Variants in LRMDA observed in about 807,000 individuals in gnomAD.
LRMDA encodes leucine-rich melanocyte differentiation-associated protein.
LRMDA carries 18 observed loss-of-function variants against 29.8 expected under a neutral mutation model. That is an observed-to-expected ratio of 0.60 (90% confidence interval 0.42 to 0.90). The LOEUF (loss-of-function observed/expected upper bound fraction) is 0.90, where lower values mean the gene tolerates loss of function less well. Among genes scored for constraint, LRMDA ranks in the 40% least tolerant of loss-of-function variants. The probability of loss-of-function intolerance (pLI) is 0.00; values close to 1 mark genes in which losing one functional copy is unlikely to be tolerated. For synonymous variants in LRMDA, 125 were observed against 109.4 expected (o/e 1.14, Z -0.89); for missense variants, 273 against 273.9 (o/e 1.00, Z 0.02).
chr10:75,439,531 C>G (rs548609414), intron 2 of LRMDA, among the ~76,000 whole-genome samples: 1 of 152,082 alleles, frequency 6.6e-6, no homozygotes, highest in African/African-American at 2.4e-5. Context: ...TAATAAGGCA[C>G]GAGAGGTGGA....
chr10:76,302,129 G>T (rs182538357), intron 5 of LRMDA, among the ~76,000 whole-genome samples: 1 of 151,798 alleles, frequency 6.6e-6, no homozygotes, highest in Non-Finnish European at 1.5e-5. Context: ...TTTCCAGAGC[G>T]CCCTCAGGTG....
chr10:76,413,699 C>T (rs1035551285), intron 6 of LRMDA, among the ~76,000 whole-genome samples: 3 of 152,152 alleles, frequency 2.0e-5, no homozygotes, highest in Admixed American at 2.0e-4. Context: ...TTATTTATTG[C>T]ATGGTGTTCC....
chr10:76,078,898 T>C (rs1328012103), intron 5 of LRMDA, among the ~76,000 whole-genome samples: 5 of 152,190 alleles, frequency 3.3e-5, no homozygotes, highest in Admixed American at 1.3e-4. Flanking sequence ...AGGTCTTTCT[T>C]CTCACCCATT....
chr10:76,171,083 C>A (rs1850826980), intron 5 of LRMDA, among the ~76,000 whole-genome samples: 1 of 152,160 alleles, frequency 6.6e-6, no homozygotes, highest in African/African-American at 2.4e-5. Context: ...TTGTACTGAT[C>A]TGAGCAGCTA....
At chr10:75,815,694 A>G (rs558767637) in intron 2 of LRMDA, among the ~76,000 whole-genome samples, 108 of 152,338 alleles carry the variant, frequency 7.1e-4, no homozygotes, top group African/African-American at 2.5e-3. Flanking sequence ...CACACTGGAC[A>G]TGTAGAATGA....
At position 75,985,380 on chromosome 10, in the gene LRMDA, G is replaced by T. The variant is rs545269990; in HGVS notation, c.132-50628G>T. Among the ~76,000 whole-genome samples, 38 of 152,236 alleles carry T rather than the reference G, an allele frequency of 2.5e-4. 2 individuals carry two copies. In the East Asian group the frequency reaches 7.4e-3, roughly 29 times the overall value. On this transcript the variant is annotated intron_variant, in intron 2 of 6. Coordinates refer to ENST00000611255, the MANE Select transcript of LRMDA (RefSeq NM_001305581.2). ...AACTGAGGAGTGGATAAGACTCCAG[G>T]CCTGACTAGAGCCACAGGCTCAAAT...
chr10:76,223,918 C>T (rs1465086846), intron 5 of LRMDA, among the ~76,000 whole-genome samples: 1 of 152,134 alleles, frequency 6.6e-6, no homozygotes, highest in Non-Finnish European at 1.5e-5. Context: ...CTTGGTCTAT[C>T]CCTTGGCCTC....
At chr10:76,147,520 T>C (rs2132160171) in intron 5 of LRMDA, among the ~76,000 whole-genome samples, 1 of 152,336 alleles carries the variant, frequency 6.6e-6, no homozygotes, top group South Asian at 2.1e-4. Context: ...TCTCGTGCCT[T>C]GGTTTTCAGC....
intron 5 of LRMDA, among the ~76,000 whole-genome samples, chr10:76,233,565 A>G (rs1242154528): frequency 2.6e-5 from 4 of 152,230 alleles, no homozygotes; most frequent in Admixed American, 2.0e-4. Flanking sequence ...TTTTACTCAC[A>G]TTAGAACTTC....
At chr10:75,489,591 A>G (rs529290424) in intron 2 of LRMDA, among the ~76,000 whole-genome samples, 4 of 152,358 alleles carry the variant, frequency 2.6e-5, no homozygotes, top group Admixed American at 6.5e-5. Context: ...AGTTTGAAGT[A>G]GGCTCTGACC....
At chr10:75,663,854 G>A (rs778453229) in intron 2 of LRMDA, among the ~76,000 whole-genome samples, 10 of 152,142 alleles carry the variant, frequency 6.6e-5, no homozygotes, top group African/African-American at 2.4e-4. Context: ...TAAAATGGAT[G>A]GGTTCCATGG....
intron 6 of LRMDA, among the ~76,000 whole-genome samples, chr10:76,556,966 A>G (rs898599977): frequency 6.6e-6 from 1 of 152,210 alleles, no homozygotes; most frequent in African/African-American, 2.4e-5. Flanking sequence ...GAAGTCATGC[A>G]GAAAGTGATA....
intron 5 of LRMDA, among the ~76,000 whole-genome samples, chr10:76,119,150 G>C (rs573264041): frequency 6.6e-6 from 1 of 151,616 alleles, no homozygotes; most frequent in Non-Finnish European, 1.5e-5. Context: ...CCTGTCCTGT[G>C]TTTGACATTT....
intron 2 of LRMDA, among the ~76,000 whole-genome samples, chr10:75,767,906 T>C (rs749198689): frequency 1.3e-5 from 2 of 152,038 alleles, no homozygotes; most frequent in African/African-American, 2.4e-5. Context: ...GACCGAGACA[T>C]GGCAAAGAAA....
At position 76,429,551 on chromosome 10, in the gene LRMDA, A is replaced by G. The variant is rs371668408; in HGVS notation, c.601+105066A>G. ...CAAGCGAGGATGGCCAGAAGATGAC[A>G]GGGATGACGGGTTGCGTTTCATTAA... On this transcript the variant is annotated intron_variant, in intron 6 of 6. Transcript: ENST00000611255. 1.8e-4 allele frequency among the ~76,000 whole-genome samples: 27 copies of G among 152,204 alleles called. 1 individual carries two copies. The East Asian group carries it at 3.3e-3, about 19-fold the overall frequency.
chr10:75,642,258 G>A (rs143528953), intron 2 of LRMDA, among the ~76,000 whole-genome samples: 2 of 152,276 alleles, frequency 1.3e-5, no homozygotes, highest in East Asian at 3.9e-4. Flanking sequence ...CAAGTCCTAA[G>A]TCTGCTAAGC....
At chr10:75,767,061 G>T (rs918392012) in intron 2 of LRMDA, among the ~76,000 whole-genome samples, 1 of 152,042 alleles carries the variant, frequency 6.6e-6, no homozygotes, top group Non-Finnish European at 1.5e-5. Flanking sequence ...CATTTGTGTT[G>T]GTTTCAAGTC....
At chr10:76,055,999 G>T (rs778666533) in intron 4 of LRMDA, among the ~76,000 whole-genome samples, 6 of 152,216 alleles carry the variant, frequency 3.9e-5, no homozygotes, top group Non-Finnish European at 8.8e-5. Context: ...CCTGCCATTT[G>T]GTGGGTCCCA....
chr10:75,904,733 A>G (rs545056928), intron 2 of LRMDA, among the ~76,000 whole-genome samples: 16 of 152,312 alleles, frequency 1.1e-4, no homozygotes, highest in African/African-American at 3.6e-4. Flanking sequence ...AGTCAACATC[A>G]GCCCAAATTT....
Sources: gnomAD v4.1 joint callset for allele counts (sites outside exome capture counted in the v4.1 genomes callset) on GRCh38, gnomAD v4.1.1 for gene constraint, MANE v1.5 for transcripts, NCBI Gene and HGNC (gene_info 2026-07-23, HGNC 2026-07-21) for gene names.